The following SLC35F1 variants were observed in gnomAD, a reference collection of about 807,000 sequenced individuals.
SLC35F1 encodes chromosome 6 open reading frame 169.
SLC35F1 carries 14 observed loss-of-function variants against 48.7 expected under a neutral mutation model. That is an observed-to-expected ratio of 0.29 (90% CI 0.19 to 0.45). The LOEUF (loss-of-function observed/expected upper bound fraction) is 0.45. SLC35F1 is among the 20% of genes least tolerant of loss of function. SLC35F1 has a pLI of 1.00. For synonymous variants in SLC35F1, 190 were observed against 202.2 expected, an observed-to-expected ratio of 0.94 and a Z score of 0.51; for missense variants, 404 against 500.0, an observed-to-expected ratio of 0.81 and a Z score of 1.83.
intron 3 of SLC35F1, among the ~76,000 whole-genome samples, chr6:118,243,939 GC>G (rs1775472241): frequency 2.6e-5 from 4 of 152,204 alleles, no homozygotes; most frequent in Admixed American, 2.6e-4. Context: ...CAAAGTGCTT[GC>G]CCCCAAAGGG....
intron 1 of SLC35F1, among the ~76,000 whole-genome samples, chr6:118,070,870 CTATGTA>C (rs1225035957): frequency 2.5e-5 from 3 of 119,016 alleles, no homozygotes; most frequent in Non-Finnish European, 5.1e-5. Context: ...GATATATATA[CTATGTA>C]TATATATACA....
At chr6:118,190,873 A>G (rs1413448432) in intron 2 of SLC35F1, among the ~76,000 whole-genome samples, 5 of 152,086 alleles carry the variant, frequency 3.3e-5, no homozygotes, top group South Asian at 4.1e-4. Context: ...AAAATATCCA[A>G]TGTTTTCTCC....
At chr6:118,232,548 CAAAAA>C (rs771123566) in intron 2 of SLC35F1, among the ~76,000 whole-genome samples, 1 of 50,698 alleles carries the variant, frequency 2.0e-5, no homozygotes. Context: ...AACTCCATCC[CAAAAA>C]AAAAAAAAAA....
At chr6:117,914,085 C>T (rs1319469043) in intron 1 of SLC35F1, among the ~76,000 whole-genome samples, 5 of 145,150 alleles carry the variant, frequency 3.4e-5, no homozygotes, top group African/African-American at 1.3e-4. Context: ...ACAAAAGAAT[C>T]CTATCTATCT....
At chr6:118,109,943 T>C (rs1002641625) in intron 1 of SLC35F1, among the ~76,000 whole-genome samples, 3 of 152,340 alleles carry the variant, frequency 2.0e-5, no homozygotes, top group South Asian at 2.1e-4. Flanking sequence ...ATATTAGTTA[T>C]TGGAGACACT....
At chr6:118,251,867 A>G (rs1775580393) in intron 3 of SLC35F1, among the ~76,000 whole-genome samples, 1 of 152,116 alleles carries the variant, frequency 6.6e-6, no homozygotes, top group South Asian at 2.1e-4. Flanking sequence ...GACTGTTCTT[A>G]CCCTCATGAA....
At chr6:117,944,877 C>T (rs1407051867) in intron 1 of SLC35F1, among the ~76,000 whole-genome samples, 1 of 152,134 alleles carries the variant, frequency 6.6e-6, no homozygotes, top group South Asian at 2.1e-4. Context: ...AGTGCTTTTA[C>T]TGTGTTCCCA....
chr6:118,196,776 A>C (rs538354131), intron 2 of SLC35F1, among the ~76,000 whole-genome samples: 83 of 152,284 alleles, frequency 5.5e-4, no homozygotes, highest in African/African-American at 2.0e-3. Flanking sequence ...GACCAATGTC[A>C]GGAGCTTTTC....
intron 1 of SLC35F1, among the ~76,000 whole-genome samples, chr6:118,126,594 T>A (rs977556132): frequency 1.3e-5 from 2 of 151,552 alleles, no homozygotes; most frequent in African/African-American, 4.9e-5. Flanking sequence ...TTCACGATAT[T>A]GATTCTTCCT....
chr6:118,018,410 C>G (rs560718739), intron 1 of SLC35F1, among the ~76,000 whole-genome samples: 1 of 152,052 alleles, frequency 6.6e-6, no homozygotes, highest in East Asian at 1.9e-4. Context: ...ATAATAATTC[C>G]TACCTTACAG....
At chr6:118,157,276 C>T (rs1243075375) in intron 2 of SLC35F1, among the ~76,000 whole-genome samples, 1 of 151,788 alleles carries the variant, frequency 6.6e-6, no homozygotes, top group Non-Finnish European at 1.5e-5. Context: ...GGAGCGGAGA[C>T]CTTTTTGAAA....
chr6:118,206,284 T>A (rs900493269), intron 2 of SLC35F1, among the ~76,000 whole-genome samples: 1 of 152,236 alleles, frequency 6.6e-6, no homozygotes, highest in Middle Eastern at 3.2e-3. Context: ...CTAACATAAC[T>A]TTTTCCCTCT....
chr6:118,183,314 A>G (rs1774609420), intron 2 of SLC35F1, among the ~76,000 whole-genome samples: 1 of 152,166 alleles, frequency 6.6e-6, no homozygotes, highest in Non-Finnish European at 1.5e-5. Flanking sequence ...ATTAAGAGCC[A>G]TTATTGACAA....
At chr6:118,054,487 CT>C (rs766180393) in intron 1 of SLC35F1, among the ~76,000 whole-genome samples, 25 of 152,170 alleles carry the variant, frequency 1.6e-4, no homozygotes, top group Non-Finnish European at 3.5e-4. Flanking sequence ...ATATAATTCC[CT>C]GCTCTTGGCA....
At chr6:118,048,093 C>G (rs1019553107) in intron 1 of SLC35F1, among the ~76,000 whole-genome samples, 5 of 151,990 alleles carry the variant, frequency 3.3e-5, no homozygotes, top group African/African-American at 7.2e-5. Flanking sequence ...TAGCATGAAG[C>G]GTTGTTGATT....
chr6:118,065,601 G>A (rs1212859168), intron 1 of SLC35F1, among the ~76,000 whole-genome samples: 1 of 152,084 alleles, frequency 6.6e-6, no homozygotes, highest in African/African-American at 2.4e-5. Context: ...TAAAAAACCT[G>A]TAAAAATAAA....
intron 1 of SLC35F1, among the ~76,000 whole-genome samples, chr6:118,036,883 T>C (rs1291971022): frequency 2.0e-5 from 3 of 152,152 alleles, no homozygotes; most frequent in African/African-American, 7.2e-5. Flanking sequence ...AATCAGGCTG[T>C]TCTATCAATT....
At chr6:118,085,468 C>CTTTT (rs1234923521) in intron 1 of SLC35F1, among the ~76,000 whole-genome samples, 1 of 70,032 alleles carries the variant, frequency 1.4e-5, no homozygotes, top group African/African-American at 5.4e-5. Context: ...ATAGTTTTCT[C>CTTTT]TTTTTTTTTC....
intron 1 of SLC35F1, among the ~76,000 whole-genome samples, chr6:118,064,569 G>C (rs1772587104): frequency 6.6e-6 from 1 of 152,128 alleles, no homozygotes; most frequent in Non-Finnish European, 1.5e-5. Flanking sequence ...AAAACCAGCT[G>C]GACTTTGGTG....
Sources: gnomAD v4.1 joint callset for allele counts (sites outside exome capture counted in the v4.1 genomes callset) on GRCh38, gnomAD v4.1.1 for gene constraint, MANE v1.5 for transcripts, NCBI Gene and HGNC (gene_info 2026-07-23, HGNC 2026-07-21) for gene names.